Variants in LINC00632 observed in about 807,000 individuals in gnomAD.
LINC00632 encodes the protein long independently transcribed non-coding RNA 632.
intron 3 of LINC00632, among the ~76,000 whole-genome samples, chrX:140,746,592 A>G: frequency 8.9e-6 from 1 of 112,372 alleles, no homozygotes; most frequent in East Asian, 2.8e-4. Flanking sequence ...TACAAGTAGC[A>G]CACATCACAA....
chrX:140,777,835 A>G (rs996031495), exon 5 of LINC00632, among the ~76,000 whole-genome samples: 15 of 112,237 alleles, frequency 1.3e-4, no homozygotes, highest in Admixed American at 6.6e-4. Flanking sequence ...CTTGAGAGAA[A>G]GGTGCATCAA....
At chrX:140,766,938 AC>A (rs36056894) in intron 3 of LINC00632, among the ~76,000 whole-genome samples, 54,406 of 110,438 alleles carry the variant, frequency 0.49, 10,521 homozygotes, top group Middle Eastern at 0.68. Flanking sequence ...TTGTGTTAGA[AC>A]CTATGAGCTA....
At chrX:140,735,179 T>C (rs2148386627) in intron 3 of LINC00632, among the ~76,000 whole-genome samples, 1 of 112,111 alleles carries the variant, frequency 8.9e-6, no homozygotes, top group Non-Finnish European at 1.9e-5. Flanking sequence ...TCCTTCATTT[T>C]TATAGATAAA....
At chrX:140,748,981 C>A (rs1931372147) in intron 3 of LINC00632, among the ~76,000 whole-genome samples, 2 of 108,258 alleles carry the variant, frequency 1.8e-5, no homozygotes, top group South Asian at 3.9e-4. Flanking sequence ...GTATAAGTAA[C>A]TTTTTAGATG....
chrX:140,724,430 C>CACACACATTCG (rs1930867933), intron 2 of LINC00632, among the ~76,000 whole-genome samples: 30 of 30,903 alleles, frequency 9.7e-4, no homozygotes, highest in Non-Finnish European at 1.3e-3. Flanking sequence ...ATTCCACACA[C>CACACACATTCG]ATACACACAC....
intron 3 of LINC00632, among the ~76,000 whole-genome samples, chrX:140,766,552 G>C (rs1276906136): frequency 1.8e-5 from 2 of 111,947 alleles, no homozygotes; most frequent in Non-Finnish European, 3.8e-5. Flanking sequence ...ATTTTCAAAT[G>C]AAGAAAGTTG....
chrX:140,787,323 A>G (rs1394176032), exon 5 of LINC00632, among the ~76,000 whole-genome samples: 2 of 111,566 alleles, frequency 1.8e-5, no homozygotes, highest in Admixed American at 9.6e-5. Context: ...TCTTTCTTAC[A>G]CTTAATAAAT....
At chrX:140,788,450 G>GTAATT (rs2148407596) in exon 5 of LINC00632, among the ~76,000 whole-genome samples, 1 of 110,485 alleles carries the variant, frequency 9.1e-6, no homozygotes, top group East Asian at 2.8e-4. Flanking sequence ...ATTTTTTAAA[G>GTAATT]TAATTTATCT....
At chrX:140,714,993 C>T (rs1390474563) in intron 2 of LINC00632, among the ~76,000 whole-genome samples, 1 of 111,206 alleles carries the variant, frequency 9.0e-6, no homozygotes, top group Non-Finnish European at 1.9e-5. Context: ...AACTCAAACT[C>T]CTCAGACACA....
At chrX:140,723,452 C>CCATACACA (rs375229739) in intron 2 of LINC00632, among the ~76,000 whole-genome samples, 1 of 9,438 alleles carries the variant, frequency 1.1e-4, no homozygotes. Flanking sequence ...CACACACATT[C>CCATACACA]CACACACACA....
intron 2 of LINC00632, among the ~76,000 whole-genome samples, chrX:140,724,212 CACAG>C (rs746313444): frequency 2.5e-4 from 10 of 40,745 alleles, no homozygotes; most frequent in African/African-American, 7.1e-4. Context: ...ACATTCCATA[CACAG>C]ACACATTCCA....
chrX:140,789,126 A>G (rs1321149583), exon 5 of LINC00632, among the ~76,000 whole-genome samples: 1 of 109,005 alleles, frequency 9.2e-6, no homozygotes, highest in Non-Finnish European at 1.9e-5. Flanking sequence ...ATGTATTCTC[A>G]TGTGTTTTAG....
rs1488803565 is a variant in LINC00632, at chrX:140,753,920, C to T, written n.192-18158C>T. Among the ~76,000 whole-genome samples the T allele has an allele frequency of 1.3e-4, 14 of 109,066 alleles. No individual in the cohort carries two copies. The South Asian group carries it at 3.2e-3, about 25-fold the overall frequency. 94.7% of individuals were successfully genotyped at this position (109,066 alleles called of 115,157 possible). A position where few individuals can be genotyped will look rare whatever the true frequency, so the allele number is the denominator to read the frequency against. On this transcript the variant is annotated intron_variant and non_coding_transcript_variant, in intron 3 of 4. Transcript: ENST00000648200. ...CCTGCCGAGTAGTTGGGATTACAGG[C>T]GCACGCCACCACGCCCGGCTAATTT...
chrX:140,771,971 T>C (rs777978609), intron 3 of LINC00632: 3 of 202,571 alleles, frequency 1.5e-5, no homozygotes, highest in Admixed American at 7.6e-5. Context: ...TGAGCCACCA[T>C]GCCCGGCCCT....
chrX:140,714,827 A>AT, intron 2 of LINC00632: 1 of 47,787 alleles, frequency 2.1e-5, no homozygotes, highest in East Asian at 1.2e-3. Context: ...TGCCTCAAAA[A>AT]AAATAAAAAA....
At chrX:140,739,376 C>T (rs1001209782) in intron 3 of LINC00632, among the ~76,000 whole-genome samples, 4 of 109,761 alleles carry the variant, frequency 3.6e-5, no homozygotes, top group African/African-American at 1.0e-4. Context: ...TGCACCACCA[C>T]GCCCGGCTAA....
intron 2 of LINC00632, among the ~76,000 whole-genome samples, chrX:140,720,917 A>C (rs1230555860): frequency 9.0e-6 from 1 of 111,350 alleles, no homozygotes; most frequent in Non-Finnish European, 1.9e-5. Flanking sequence ...AAGTCACTTC[A>C]TAACACACAA....
chrX:140,773,811 G>A (rs1286851842), exon 4 of LINC00632, among the ~76,000 whole-genome samples: 1 of 111,858 alleles, frequency 8.9e-6, no homozygotes, highest in African/African-American at 3.3e-5. Flanking sequence ...GAGTGCTAGC[G>A]ATGTACTGTG....
At chrX:140,761,473 G>A (rs1403421631) in intron 3 of LINC00632, among the ~76,000 whole-genome samples, 4 of 112,504 alleles carry the variant, frequency 3.6e-5, no homozygotes, top group African/African-American at 1.3e-4. Flanking sequence ...CAATTAAAAT[G>A]GACCTCTTCT....
Sources: allele counts gnomAD v4.1 joint callset (sites outside exome capture counted in the v4.1 genomes callset), GRCh38; gene constraint gnomAD v4.1.1; transcripts MANE v1.5; gene names NCBI Gene and HGNC (gene_info 2026-07-23, HGNC 2026-07-21).